Variants in SSBP2 observed in about 807,000 individuals in gnomAD.
SSBP2 encodes single stranded DNA binding protein 2, also known as single-stranded DNA-binding protein 2.
A neutral mutation model predicts 61.8 loss-of-function variants in SSBP2; 17 were observed. The observed-to-expected ratio is 0.28, with a 90% CI of 0.19 to 0.41. The LOEUF (loss-of-function observed/expected upper bound fraction) is 0.41, where lower values mean the gene tolerates loss of function less well. Ranked by LOEUF, SSBP2 falls within the 10% of genes least tolerant of loss-of-function variation. SSBP2 has a pLI of 1.00. For missense variants in SSBP2, 310 were observed against 458.7 expected, an observed-to-expected ratio of 0.68 and a Z score of 2.96; for synonymous variants, 139 against 141.3, an observed-to-expected ratio of 0.98 and a Z score of 0.12.
At chr5:81,447,856 C>T (rs1763502596) in intron 11 of SSBP2, 1 of 152,148 alleles carries the variant, frequency 6.6e-6, no homozygotes, top group Non-Finnish European at 1.5e-5. Context: ...TTCTTACTTT[C>T]ATTTTTATTT....
At chr5:81,738,918 A>C (rs905334981) in intron 1 of SSBP2, among the ~76,000 whole-genome samples, 7 of 152,104 alleles carry the variant, frequency 4.6e-5, no homozygotes, top group Non-Finnish European at 8.8e-5. Context: ...TAATCCCAGC[A>C]CTTTGGGTGG....
intron 1 of SSBP2, among the ~76,000 whole-genome samples, chr5:81,669,560 C>T (rs561772836): frequency 6.6e-6 from 1 of 152,016 alleles, no homozygotes; most frequent in Non-Finnish European, 1.5e-5. Context: ...GAACAGAAAA[C>T]CAAACGCCAC....
At chr5:81,724,965 T>C (rs1755777931) in intron 1 of SSBP2, among the ~76,000 whole-genome samples, 1 of 152,204 alleles carries the variant, frequency 6.6e-6, no homozygotes, top group Admixed American at 6.5e-5. Flanking sequence ...TGTTTATTTA[T>C]TCAACAAATA....
At chr5:81,658,694 G>A (rs6878600) in intron 1 of SSBP2, among the ~76,000 whole-genome samples, 7,954 of 151,958 alleles carry the variant, frequency 0.052, 278 homozygotes, top group South Asian at 0.12. Context: ...TTAACTTAAC[G>A]TAATGTCCTC....
At chr5:81,594,936 G>C (rs1460000432) in intron 4 of SSBP2, among the ~76,000 whole-genome samples, 33 of 152,202 alleles carry the variant, frequency 2.2e-4, no homozygotes, top group Non-Finnish European at 4.1e-4. Context: ...AAAAGAACTA[G>C]AGAAGCAAGA....
In SSBP2 at chr5:81,420,274, T is replaced by G. The variant is rs747283738; in HGVS notation, c.*230A>C. 1.6e-5 allele frequency: 9 copies of G among 570,114 alleles called. No individual in the cohort carries two copies. Among genetic ancestry groups the G allele is most frequent in the Non-Finnish European group, 2.2e-5 (7 of 319,204 alleles). The allele number at this position is 570,114 out of a possible 1,614,324, so 35.3% of individuals were successfully genotyped here. A position where few individuals can be genotyped will look rare whatever the true frequency, so the allele number is the denominator to read the frequency against. ...CACATATACATACACACATAATTAT[T>G]TGCAGTTCAGTTTAGGGCAATTCTA... On this transcript the variant is annotated 3_prime_UTR_variant, in exon 17 of 17. Coordinates refer to ENST00000320672, the MANE Select transcript of SSBP2 (RefSeq NM_012446.5).
At chr5:81,427,809 C>G (rs1326125404) in intron 16 of SSBP2, among the ~76,000 whole-genome samples, 1 of 152,188 alleles carries the variant, frequency 6.6e-6, no homozygotes, top group Non-Finnish European at 1.5e-5. Context: ...TTTCCACATT[C>G]AAGTATGCCC....
At chr5:81,587,959 G>A (rs1203750653) in intron 4 of SSBP2, among the ~76,000 whole-genome samples, 1 of 152,082 alleles carries the variant, frequency 6.6e-6, no homozygotes, top group Non-Finnish European at 1.5e-5. Context: ...GTTAAAGCTT[G>A]ATGAAAGATA....
intron 3 of SSBP2, among the ~76,000 whole-genome samples, chr5:81,631,466 T>C (rs1747710691): frequency 6.9e-6 from 1 of 145,072 alleles, no homozygotes; most frequent in Middle Eastern, 3.6e-3. Context: ...ATTCTTTTAA[T>C]AGAAGAAATG....
In SSBP2 at chr5:81,531,938, G is replaced by A. The variant is rs546118072; in HGVS notation, c.283-18221C>T. ...AAAGCAGAAATGAGTTGAGGTGAAA[G>A]CAGTGTATCCATGCATCTCATTCCA... On this transcript the variant is annotated intron_variant, in intron 4 of 16. Transcript: ENST00000320672. 2.0e-4 allele frequency among the ~76,000 whole-genome samples: 30 copies of A among 152,170 alleles called. 1 individual carries two copies. Among genetic ancestry groups the A allele is most frequent in the African/African-American group, 7.0e-4 (29 of 41,552 alleles).
chr5:81,563,928 G>C (rs1773238055), intron 4 of SSBP2, among the ~76,000 whole-genome samples: 1 of 152,142 alleles, frequency 6.6e-6, no homozygotes, highest in Non-Finnish European at 1.5e-5. Context: ...GTAACAATCA[G>C]TGGGTGTAAA....
intron 4 of SSBP2, among the ~76,000 whole-genome samples, chr5:81,561,223 A>G (rs940053282): frequency 1.3e-5 from 2 of 152,218 alleles, no homozygotes; most frequent in South Asian, 4.1e-4. Flanking sequence ...GATACTGAAC[A>G]AGGAAAATAA....
intron 2 of SSBP2, among the ~76,000 whole-genome samples, chr5:81,649,444 A>C (rs1749549715): frequency 6.6e-6 from 1 of 152,114 alleles, no homozygotes. Context: ...ACGCAGCCTA[A>C]AAAAGAATGA....
At chr5:81,582,418 G>A (rs923453821) in intron 4 of SSBP2, among the ~76,000 whole-genome samples, 3 of 151,966 alleles carry the variant, frequency 2.0e-5, no homozygotes, top group African/African-American at 7.2e-5. Flanking sequence ...AGTTCATATT[G>A]AACCTAATGC....
At chr5:81,439,688 T>C (rs1196935337) in intron 14 of SSBP2, among the ~76,000 whole-genome samples, 2 of 146,008 alleles carry the variant, frequency 1.4e-5, no homozygotes, top group East Asian at 3.9e-4. Flanking sequence ...TTTTTTTTTT[T>C]TGAGATGCAG....
At chr5:81,544,290 G>C (rs6870325) in intron 4 of SSBP2, among the ~76,000 whole-genome samples, 72,501 of 151,782 alleles carry the variant, frequency 0.48, 21,587 homozygotes, top group African/African-American at 0.85. Context: ...CTCGTGATCC[G>C]CCCCCCTCAG....
At chr5:81,673,366 G>A (rs1283400955) in intron 1 of SSBP2, among the ~76,000 whole-genome samples, 1 of 152,094 alleles carries the variant, frequency 6.6e-6, no homozygotes, top group Non-Finnish European at 1.5e-5. Flanking sequence ...GATCCCAAAA[G>A]AATAGGGAAC....
At chr5:81,523,156 T>C (rs769018438) in intron 4 of SSBP2, among the ~76,000 whole-genome samples, 2 of 152,034 alleles carry the variant, frequency 1.3e-5, no homozygotes, top group South Asian at 2.1e-4. Context: ...GGAAGTCTGA[T>C]AGGTAACAAG....
chr5:81,704,522 G>A (rs1233124059), intron 1 of SSBP2, among the ~76,000 whole-genome samples: 2 of 152,258 alleles, frequency 1.3e-5, no homozygotes, highest in South Asian at 2.1e-4. Flanking sequence ...TCCCTGGCCA[G>A]GCATGGTGGC....
Sources: allele counts gnomAD v4.1 joint callset (sites outside exome capture counted in the v4.1 genomes callset), GRCh38; gene constraint gnomAD v4.1.1; transcripts MANE v1.5; gene names NCBI Gene and HGNC (gene_info 2026-07-23, HGNC 2026-07-21).